ARHGEF33: variants seen among roughly 807,000 people sequenced by gnomAD.
The protein encoded by ARHGEF33 is DH and coiled-coil domain-containing protein ENSP00000381780.
In ARHGEF33, 72 loss-of-function variants were observed where a neutral mutation model predicts 101.9. The observed-to-expected ratio is 0.71, with a 90% CI of 0.58 to 0.86. ARHGEF33 has a LOEUF of 0.86. Among genes scored for constraint, ARHGEF33 ranks in the 40% least tolerant of loss-of-function variants. The pLI is 0.00. For missense variants in ARHGEF33, 1,169 were observed against 1,111.3 expected (o/e 1.05, Z -0.74); for synonymous variants, 499 against 442.5 (o/e 1.13, Z -1.60).
At position 38,937,444 on chromosome 2, in the gene ARHGEF33, T is replaced by C. The variant is rs938926439; in HGVS notation, c.675T>C (p.Asp225=). ...LPSGMWRQPK[D]GKEWGEEYVT... ...CTGGCATGTGGAGGCAGCCTAAGGATGGTAAAGAATGGGGTGAAGAATACG... is the reference window on the plus strand; with the variant it reads ...CTGGCATGTGGAGGCAGCCTAAGGACGGTAAAGAATGGGGTGAAGAATACG... The change falls in exon 9 of 18, where the codon GAT becomes GAC. Residue 225 remains aspartate, a synonymous_variant. Transcript: ENST00000409978. 6.5e-5 allele frequency: 100 copies of C among 1,547,782 alleles called. No homozygotes were observed. The highest frequency in any genetic ancestry group is 8.6e-5 in the Non-Finnish European group (99 of 1,145,240).
intron 17 of ARHGEF33, 94 bp from the exon 18 acceptor site, chr2:38,973,620 T>G: frequency 1.5e-6 from 2 of 1,352,880 alleles, no homozygotes; most frequent in Middle Eastern, 1.9e-4. Flanking sequence ...GAAGCAACTG[T>G]TTTACAAATG....
chr2:38,905,818 T>A (rs1175054044), intron 2 of ARHGEF33, among the ~76,000 whole-genome samples: 3 of 152,162 alleles, frequency 2.0e-5, no homozygotes, highest in Admixed American at 6.5e-5. Flanking sequence ...AAGGAATCAT[T>A]TTCCAGTGGC....
chr2:38,957,855 A>T, intron 14 of ARHGEF33, 179 bp from the exon 15 acceptor site: 1 of 673,172 alleles, frequency 1.5e-6, no homozygotes, highest in Non-Finnish European at 2.5e-6. Context: ...CAGCTTCCCT[A>T]GTCCTGCCAG....
At chr2:38,930,054 T>C (rs1406190459) in intron 6 of ARHGEF33, among the ~76,000 whole-genome samples, 4 of 152,282 alleles carry the variant, frequency 2.6e-5, no homozygotes, top group Non-Finnish European at 5.9e-5. Context: ...AAAATGAAAG[T>C]GACATAAAAT....
chr2:38,954,389 A>ATG lies in ARHGEF33; in HGVS notation c.1154_1155insTG (p.Lys385AsnfsTer12). 1 of 1,546,660 alleles carries ATG rather than the reference A, an allele frequency of 6.5e-7. No individual in the cohort carries two copies. Among genetic ancestry groups the ATG allele is most frequent in the South Asian group, 1.2e-5 (1 of 83,724 alleles). On this transcript the variant is annotated frameshift_variant, in exon 13 of 18. Coordinates refer to ENST00000409978, the MANE Select transcript of ARHGEF33 (RefSeq NM_001145451.5). LOFTEE classifies it high-confidence loss of function. ...TTCATTCAGGGTGATGAAGAGATTA[A>ATG]ATCTGACATCTACACGTTGTTTTTT...
At chr2:38,909,152 G>A (rs911368424) in intron 2 of ARHGEF33, among the ~76,000 whole-genome samples, 1 of 152,178 alleles carries the variant, frequency 6.6e-6, no homozygotes, top group African/African-American at 2.4e-5. Flanking sequence ...TGATGGCCTT[G>A]TGACCTGGTT....
intron 12 of ARHGEF33, among the ~76,000 whole-genome samples, chr2:38,954,018 A>G (rs1310298203): frequency 1.3e-5 from 2 of 152,230 alleles, no homozygotes; most frequent in Non-Finnish European, 2.9e-5. Flanking sequence ...GCCTGTTACT[A>G]CACCATTGTC....
chr2:38,890,016 G>A (rs1316738619), intron 1 of ARHGEF33, 30 bp downstream of exon 1: 1 of 423,624 alleles, frequency 2.4e-6, no homozygotes, highest in Non-Finnish European at 4.9e-6. Flanking sequence ...TGCTTTAAGG[G>A]GCACTGAAAG....
chr2:38,902,793 C>G (rs1666278904), intron 2 of ARHGEF33, among the ~76,000 whole-genome samples: 1 of 151,916 alleles, frequency 6.6e-6, no homozygotes, highest in Non-Finnish European at 1.5e-5. Flanking sequence ...CCAAGATGGT[C>G]AATGAGCAAA....
At chr2:38,893,168 T>C (rs1666043574) in intron 1 of ARHGEF33, among the ~76,000 whole-genome samples, 1 of 151,496 alleles carries the variant, frequency 6.6e-6, no homozygotes, top group African/African-American at 2.4e-5. Context: ...TTTTTTTTTT[T>C]TTTTTCTTTT....
chr2:38,946,246 A>G (rs1032867891), intron 10 of ARHGEF33, among the ~76,000 whole-genome samples: 1 of 152,180 alleles, frequency 6.6e-6, no homozygotes, highest in Non-Finnish European at 1.5e-5. Context: ...ACTTGCTGCC[A>G]CTTCCTATTT....
At chr2:38,904,452 T>C (rs1666342012) in intron 2 of ARHGEF33, among the ~76,000 whole-genome samples, 1 of 152,090 alleles carries the variant, frequency 6.6e-6, no homozygotes, top group Non-Finnish European at 1.5e-5. Context: ...ACTCCTGTAA[T>C]CCCAGCACTT....
At chr2:38,959,372 C>T (rs1572777266) in intron 15 of ARHGEF33, 2 of 153,408 alleles carry the variant, frequency 1.3e-5, no homozygotes, top group African/African-American at 4.8e-5. Flanking sequence ...CACATGCCCT[C>T]ATCCAGATTC....
At chr2:38,897,842 GC>G (rs1184049985) in intron 2 of ARHGEF33, among the ~76,000 whole-genome samples, 1 of 152,238 alleles carries the variant, frequency 6.6e-6, no homozygotes, top group Non-Finnish European at 1.5e-5. Context: ...TTGACAGCTA[GC>G]CTGGTGCAGG....
intron 2 of ARHGEF33, among the ~76,000 whole-genome samples, chr2:38,902,811 A>C (rs970022287): frequency 2.0e-4 from 31 of 152,220 alleles, no homozygotes; most frequent in Admixed American, 2.0e-3. Flanking sequence ...AAAGAAATAT[A>C]TAACATTATC....
intron 17 of ARHGEF33, 125 bp downstream of exon 17, chr2:38,966,270 A>T (rs367932678): frequency 8.0e-7 from 1 of 1,255,834 alleles, no homozygotes; most frequent in East Asian, 2.6e-5. Context: ...CAGTGCCTGC[A>T]CCCAGTAGCC....
intron 16 of ARHGEF33, among the ~76,000 whole-genome samples, chr2:38,965,677 G>A (rs1189564863): frequency 1.3e-5 from 2 of 152,180 alleles, no homozygotes; most frequent in African/African-American, 4.8e-5. Flanking sequence ...TTATTCACTC[G>A]TGGAGGACGT....
intron 17 of ARHGEF33, among the ~76,000 whole-genome samples, 199 bp from the exon 18 acceptor site, chr2:38,973,515 A>G (rs546127557): frequency 1.3e-5 from 2 of 152,208 alleles, no homozygotes; most frequent in Admixed American, 1.3e-4. Context: ...CCCATAAAGC[A>G]TTAGAAAGAT....
intron 9 of ARHGEF33, among the ~76,000 whole-genome samples, chr2:38,940,742 A>G (rs905368282): frequency 6.6e-6 from 1 of 152,228 alleles, no homozygotes; most frequent in African/African-American, 2.4e-5. Context: ...GCAATTGAGA[A>G]AAAGTTGAAT....
Sources: gnomAD v4.1 joint callset for allele counts (sites outside exome capture counted in the v4.1 genomes callset) on GRCh38, gnomAD v4.1.1 for gene constraint, MANE v1.5 for transcripts, NCBI Gene and HGNC (gene_info 2026-07-23, HGNC 2026-07-21) for gene names.